Variants in DGKI observed in about 807,000 individuals in gnomAD.
DGKI encodes DAG kinase iota.
A neutral mutation model predicts 147.5 loss-of-function variants in DGKI; 55 were observed. The ratio of observed to expected loss-of-function variants is 0.37; its 90% CI spans 0.30 to 0.47. DGKI has a LOEUF of 0.47. Among genes scored for constraint, DGKI ranks in the 20% least tolerant of loss-of-function variants. DGKI has a pLI of 1.00. For synonymous variants in DGKI, 469 were observed against 477.1 expected (o/e 0.98, Z 0.22); for missense variants, 1,007 against 1,323.8 (o/e 0.76, Z 3.71).
chr7:137,528,398 A>C (rs1010163255), intron 20 of DGKI, among the ~76,000 whole-genome samples: 1 of 152,188 alleles, frequency 6.6e-6, no homozygotes, highest in South Asian at 2.1e-4. Context: ...TCTGAAACAC[A>C]TTGTACAGAA....
At chr7:137,426,251 T>C (rs1812799346) in intron 28 of DGKI, among the ~76,000 whole-genome samples, 1 of 152,276 alleles carries the variant, frequency 6.6e-6, no homozygotes, top group Admixed American at 6.5e-5. Context: ...TATTCAACAT[T>C]CTTAAAGACA....
chr7:137,638,700 G>A (rs962680244), intron 6 of DGKI, among the ~76,000 whole-genome samples: 1 of 140,610 alleles, frequency 7.1e-6, no homozygotes, highest in Non-Finnish European at 1.5e-5. Context: ...AGATACATAT[G>A]TACGCACATA....
At chr7:137,654,620 T>G in intron 5 of DGKI, 112 bp downstream of exon 5, 1 of 803,398 alleles carries the variant, frequency 1.2e-6, no homozygotes, top group Non-Finnish European at 2.1e-6. Flanking sequence ...AAAATTGGCA[T>G]GCAACAGAAA....
At chr7:137,742,065 A>C (rs1407418024) in intron 1 of DGKI, among the ~76,000 whole-genome samples, 1 of 152,228 alleles carries the variant, frequency 6.6e-6, no homozygotes. Context: ...AAAATCAAAT[A>C]TCTATTCTTT....
intron 22 of DGKI, 44 bp downstream of exon 22, chr7:137,487,566 A>G: frequency 6.6e-7 from 1 of 1,525,474 alleles, no homozygotes; most frequent in Non-Finnish European, 9.1e-7. Context: ...TGTTTACAAA[A>G]ATGGAAAGTT....
At chr7:137,677,190 T>A (rs1386099718) in intron 3 of DGKI, among the ~76,000 whole-genome samples, 1 of 152,242 alleles carries the variant, frequency 6.6e-6, no homozygotes, top group Non-Finnish European at 1.5e-5. Flanking sequence ...GAAATCCTGA[T>A]ATTTAAGTCA....
intron 6 of DGKI, among the ~76,000 whole-genome samples, chr7:137,637,437 G>A (rs953699634): frequency 6.6e-6 from 1 of 152,188 alleles, no homozygotes; most frequent in Admixed American, 6.5e-5. Flanking sequence ...TATCAAAATG[G>A]AATGCTGTGT....
intron 21 of DGKI, among the ~76,000 whole-genome samples, chr7:137,499,014 A>G (rs1235560307): frequency 6.6e-6 from 1 of 152,198 alleles, no homozygotes; most frequent in Non-Finnish European, 1.5e-5. Context: ...GAAAAACTGA[A>G]GCTCAACAAT....
intron 28 of DGKI, among the ~76,000 whole-genome samples, chr7:137,424,453 T>C (rs1563010184): frequency 6.6e-6 from 1 of 151,964 alleles, no homozygotes; most frequent in African/African-American, 2.4e-5. Context: ...GCTCCCAGCG[T>C]GAGTGACGCA....
intron 28 of DGKI, among the ~76,000 whole-genome samples, chr7:137,439,179 GA>G (rs1310478785): frequency 6.6e-6 from 1 of 152,166 alleles, no homozygotes; most frequent in Non-Finnish European, 1.5e-5. Flanking sequence ...TATATTTTAT[GA>G]ATAGTATCTA....
At position 137,384,224 on chromosome 7, in the gene DGKI, C is replaced by T. The variant is rs756865571; in HGVS notation, c.*6996G>A. ...ACAAATAAGTTAAAGAAGCCATTAA[C>T]GCTCACTGTTAATTTCTTCTCTTGA... is the stretch of plus-strand genomic sequence containing the variant. On this transcript the variant is annotated 3_prime_UTR_variant, in exon 33 of 33. Coordinates refer to ENST00000614521, the MANE Select transcript of DGKI (RefSeq NM_001321708.2). 15 of 152,098 alleles carry T rather than the reference C, an allele frequency of 9.9e-5. No homozygotes were observed. Among genetic ancestry groups the T allele is most frequent in the Middle Eastern group, 3.4e-3 (1 of 294 alleles). The allele number at this position is 152,098 out of a possible 1,614,324, so 9.4% of individuals were successfully genotyped here.
chr7:137,777,283 A>G (rs1251914904), intron 1 of DGKI, among the ~76,000 whole-genome samples: 7 of 152,194 alleles, frequency 4.6e-5, no homozygotes, highest in Non-Finnish European at 1.0e-4. Context: ...AAAAGTGGAA[A>G]AGGCATTGTC....
chr7:137,745,923 A>T (rs1419928719), intron 1 of DGKI, among the ~76,000 whole-genome samples: 1 of 152,166 alleles, frequency 6.6e-6, no homozygotes, highest in Admixed American at 6.6e-5. Context: ...GTCTATGACA[A>T]GTGCTTAGTT....
intron 1 of DGKI, among the ~76,000 whole-genome samples, chr7:137,737,134 G>T (rs570034772): frequency 6.8e-6 from 1 of 147,826 alleles, no homozygotes; most frequent in African/African-American, 2.5e-5. Context: ...AGTTCCCTAT[G>T]CTGGGTCTGT....
chr7:137,600,883 CA>C (rs1362499685), intron 10 of DGKI, among the ~76,000 whole-genome samples: 1 of 152,128 alleles, frequency 6.6e-6, no homozygotes, highest in Non-Finnish European at 1.5e-5. Flanking sequence ...ATTTTTGGGG[CA>C]TTTTAAGTAA....
intron 8 of DGKI, among the ~76,000 whole-genome samples, chr7:137,618,151 A>ATATATATATATATATATATTTTT: frequency 5.7e-4 from 6 of 10,466 alleles, no homozygotes; most frequent in East Asian, 7.4e-3. Flanking sequence ...ATATATATAT[A>ATATATATATATATATATATTTTT]TTTTTTTTTT....
intron 1 of DGKI, among the ~76,000 whole-genome samples, chr7:137,746,906 A>G (rs1795354410): frequency 6.6e-6 from 1 of 152,172 alleles, no homozygotes; most frequent in African/African-American, 2.4e-5. Context: ...AGTCCTCTCA[A>G]AACATCAGAG....
At chr7:137,571,424 G>T in intron 18 of DGKI, 138 bp from the exon 19 acceptor site, 1 of 632,214 alleles carries the variant, frequency 1.6e-6, no homozygotes. Flanking sequence ...CCTTCCATTA[G>T]AAAAGGAAAT....
chr7:137,679,990 CAAAAAAAA>C (rs768437551), intron 2 of DGKI, among the ~76,000 whole-genome samples: 7 of 54,068 alleles, frequency 1.3e-4, no homozygotes, highest in African/African-American at 3.7e-4. Context: ...GACTCCATCT[CAAAAAAAA>C]AAAAAAAAAA....
Sources: allele counts gnomAD v4.1 joint callset (sites outside exome capture counted in the v4.1 genomes callset), GRCh38; gene constraint gnomAD v4.1.1; transcripts MANE v1.5; gene names NCBI Gene and HGNC (gene_info 2026-07-23, HGNC 2026-07-21).